The following PHF6 variants were observed in gnomAD, a reference collection of about 807,000 sequenced individuals.
PHF6 encodes PHD finger protein 6.
PHF6 carries 7 observed loss-of-function variants against 34.0 expected under a neutral mutation model. The ratio of observed to expected loss-of-function variants is 0.21; its 90% CI spans 0.12 to 0.39. The LOEUF (loss-of-function observed/expected upper bound fraction) is 0.39. PHF6 is among the 10% of genes least tolerant of loss of function. The pLI, the probability that PHF6 is intolerant of heterozygous loss-of-function variation, is 1.00. For synonymous variants in PHF6, 89 were observed against 88.4 expected (o/e 1.01, Z -0.04); for missense variants, 128 against 262.8 (o/e 0.49, Z 3.55).
rs779635983 is a variant in PHF6 at position 134,377,797 on chromosome X, G to T, written c.138+42G>T. ...CAACAGAGACCTTGAAACGATTCAT[G>T]AGACTCTTAATAACACATGAATGTT... On this transcript the variant is annotated intron_variant, in intron 2 of 10. Transcript: ENST00000370803. The T allele has an allele frequency of 7.7e-6, 9 of 1,170,453 alleles. No homozygotes were observed. The East Asian group carries it at 2.4e-4, about 31-fold the overall frequency.
chrX:134,420,655 T>C (rs2077488558), intron 9 of PHF6, among the ~76,000 whole-genome samples: 1 of 110,914 alleles, frequency 9.0e-6, no homozygotes, highest in African/African-American at 3.3e-5. Context: ...TGCAGTGGCA[T>C]GATCACGGCT....
At chrX:134,399,837 A>G (rs1157429137) in intron 5 of PHF6, among the ~76,000 whole-genome samples, 3 of 111,094 alleles carry the variant, frequency 2.7e-5, no homozygotes, top group Non-Finnish European at 3.8e-5. Context: ...GGTACATGCT[A>G]TGGGTTTTGA....
intron 5 of PHF6, among the ~76,000 whole-genome samples, chrX:134,407,253 C>T (rs1478523400): frequency 8.9e-6 from 1 of 112,313 alleles, no homozygotes; most frequent in African/African-American, 3.2e-5. Context: ...TGCATATAAA[C>T]CACATAGCAT....
At chrX:134,391,254 G>GT (rs1472950796) in intron 3 of PHF6, among the ~76,000 whole-genome samples, 69 of 111,498 alleles carry the variant, frequency 6.2e-4, no homozygotes, top group Non-Finnish European at 1.0e-3. Flanking sequence ...GATTACAGGC[G>GT]TGAGCTGCTG....
rs1204492980 is a variant in PHF6 at position 134,415,054 on chromosome X, A to G, written c.768A>G (p.Ser256=). The G allele has an allele frequency of 8.3e-7, 1 of 1,211,163 alleles. No individual in the cohort carries two copies. Among genetic ancestry groups the G allele is most frequent in the Admixed American group, 2.2e-5 (1 of 45,974 alleles). Residue 256 remains serine (S), a synonymous_variant, in exon 8 of 11, where the codon TCA becomes TCG. Coordinates refer to ENST00000370803, the MANE Select transcript of PHF6 (RefSeq NM_001015877.2). ...GCACAGTCCAGCTCACAACAACATC[A>G]AGAGCAGAATTTGGAGACTTTGATA... ...SSGTVQLTTT[S]RAEFGDFDIK...
At position 134,425,948 on chromosome X, in the gene PHF6, A is replaced by G. The variant is rs111337515; in HGVS notation, c.*288A>G. On this transcript the variant is annotated 3_prime_UTR_variant, in exon 11 of 11. Coordinates refer to ENST00000370803, the MANE Select transcript of PHF6 (RefSeq NM_001015877.2). ...ACAGTTAAAGCAGACGAAACGAAGT[A>G]AGCTATATTTCTGGACTGAACAAAG... 5.6e-3 allele frequency: 925 copies of G among 164,464 alleles called. 5 individuals are homozygous for G. The highest frequency in any genetic ancestry group is 0.026 in the African/African-American group (859 of 33,568). 13.6% of individuals were successfully genotyped at this position (164,464 alleles called of 1,213,427 possible).
chrX:134,410,935 G>A (rs1040607718), intron 5 of PHF6, among the ~76,000 whole-genome samples: 1 of 101,941 alleles, frequency 9.8e-6, no homozygotes, highest in Non-Finnish European at 2.0e-5. Context: ...CCAGTTTATT[G>A]TTTGCCTTTT....
intron 9 of PHF6, among the ~76,000 whole-genome samples, chrX:134,421,858 C>A (rs2077492848): frequency 9.3e-6 from 1 of 107,203 alleles, no homozygotes; most frequent in Admixed American, 1.0e-4. Flanking sequence ...TTTATAATCT[C>A]TTTTCCACTT....
chrX:134,416,593 A>G (rs1403953188), intron 8 of PHF6, among the ~76,000 whole-genome samples: 1 of 112,021 alleles, frequency 8.9e-6, no homozygotes, highest in African/African-American at 3.2e-5. Context: ...AAGTCCTGCA[A>G]TAAAGTGATC....
rs200851925 is a variant in PHF6 at position 134,420,568 on chromosome X, T to TA, written c.968+3276dup. Among the ~76,000 whole-genome samples, 92 of 105,707 alleles carry TA rather than the reference T, an allele frequency of 8.7e-4. 2 individuals carry two copies. The South Asian group carries it at 0.024, about 28-fold the overall frequency. 91.8% of individuals were successfully genotyped at this position (105,707 alleles called of 115,157 possible). A position where few individuals can be genotyped will look rare whatever the true frequency, so the allele number is the denominator to read the frequency against. On this transcript the variant is annotated intron_variant, in intron 9 of 10. Transcript: ENST00000370803. Reference sequence around the variant, plus strand: ...ACACTAAAGATGAATTTTTTCCATTTAAAAAAAAAACACACAAAGCTTTGT... The same window carrying TA: ...ACACTAAAGATGAATTTTTTCCATTTAAAAAAAAAAACACACAAAGCTTTGT...
At chrX:134,415,807 G>C (rs1262860761) in intron 8 of PHF6, among the ~76,000 whole-genome samples, 1 of 110,815 alleles carries the variant, frequency 9.0e-6, no homozygotes, top group African/African-American at 3.3e-5. Context: ...TTTCATATAG[G>C]CCTTTTATTC....
chrX:134,417,085 A>G, intron 8 of PHF6, 84 bp from the exon 9 acceptor site: 2 of 1,041,812 alleles, frequency 1.9e-6, no homozygotes, highest in South Asian at 3.9e-5. Context: ...GCTATGTGAT[A>G]ATTTCAGTGT....
At chrX:134,421,991 C>T (rs1414087060) in intron 9 of PHF6, among the ~76,000 whole-genome samples, 7 of 110,415 alleles carry the variant, frequency 6.3e-5, no homozygotes, top group Admixed American at 1.9e-4. Context: ...TGCAATGGTG[C>T]GATCACAACC....
intron 5 of PHF6, among the ~76,000 whole-genome samples, chrX:134,396,132 C>G (rs769868135): frequency 9.0e-6 from 1 of 111,278 alleles, no homozygotes; most frequent in Admixed American, 9.6e-5. Context: ...TATTTTGATA[C>G]AGGCACACAA....
rs1357153175 is a variant in PHF6, at chrX:134,389,998, T to A, written c.241-3503T>A. ...AAAATTCTGTCTAGAATGAATTGAT[T>A]GATAAAATTTATGTATTTATAATCA... On this transcript the variant is annotated intron_variant, in intron 3 of 10. Coordinates refer to ENST00000370803, the MANE Select transcript of PHF6 (RefSeq NM_001015877.2). Among the ~76,000 whole-genome samples the A allele has an allele frequency of 3.1e-5, 3 of 96,887 alleles. No homozygotes were observed. In the Admixed American group the frequency reaches 3.8e-4, roughly 12 times the overall value. The allele number at this position is 96,887 out of a possible 115,157, so 84.1% of individuals were successfully genotyped here. A position where few individuals can be genotyped will look rare whatever the true frequency, so the allele number is the denominator to read the frequency against.
At chrX:134,405,498 C>T (rs906595621) in intron 5 of PHF6, among the ~76,000 whole-genome samples, 2 of 111,670 alleles carry the variant, frequency 1.8e-5, no homozygotes, top group Non-Finnish European at 3.8e-5. Context: ...CGCGCCCGGC[C>T]GACTCCATAT....
rs1030483272 is a variant in PHF6 at position 134,426,789 on chromosome X, T to C, written c.*1129T>C. The C allele has an allele frequency of 6.2e-6, 1 of 160,746 alleles. No individual in the cohort carries two copies. The highest frequency in any genetic ancestry group is 1.2e-5 in the Non-Finnish European group (1 of 82,950). 13.2% of individuals were successfully genotyped at this position (160,746 alleles called of 1,213,427 possible). On this transcript the variant is annotated 3_prime_UTR_variant, in exon 11 of 11. Coordinates refer to ENST00000370803, the MANE Select transcript of PHF6 (RefSeq NM_001015877.2). The stretch of plus-strand genomic sequence containing the variant: ...TCACACTGGCATTTCTAGGTAGTGA[T>C]ATTTTCTTCCACTTACCTGCTGAAG...
At chrX:134,391,198 T>C (rs2077352892) in intron 3 of PHF6, among the ~76,000 whole-genome samples, 1 of 110,476 alleles carries the variant, frequency 9.1e-6, no homozygotes, top group African/African-American at 3.3e-5. Context: ...GGTCTTGAAC[T>C]CCTGACCTCA....
intron 3 of PHF6, among the ~76,000 whole-genome samples, chrX:134,382,506 A>G (rs2077311678): frequency 9.1e-6 from 1 of 109,621 alleles, no homozygotes. Flanking sequence ...CCGTTTCTGG[A>G]TGAAGCTAGC....
Sources: gnomAD v4.1 joint callset for allele counts (sites outside exome capture counted in the v4.1 genomes callset) on GRCh38, gnomAD v4.1.1 for gene constraint, MANE v1.5 for transcripts, NCBI Gene and HGNC (gene_info 2026-07-23, HGNC 2026-07-21) for gene names.